CYFIP1: variants seen among roughly 807,000 people sequenced by gnomAD.
CYFIP1 encodes cytoplasmic FMR1 interacting protein 1, also known as cytoplasmic FMR1-interacting protein 1.
In CYFIP1, 58 loss-of-function variants were observed where a neutral mutation model predicts 163.5. The observed-to-expected ratio is 0.35, with a 90% confidence interval of 0.29 to 0.44. The LOEUF is 0.44. Among genes scored for constraint, CYFIP1 ranks in the 20% least tolerant of loss-of-function variants. The pLI, the probability that CYFIP1 is intolerant of heterozygous loss-of-function variation, is 1.00. For missense variants in CYFIP1, 1,338 were observed against 1,653.8 expected (o/e 0.81, Z 3.31); for synonymous variants, 663 against 660.7 (o/e 1.00, Z -0.05).
intron 1 of CYFIP1, among the ~76,000 whole-genome samples, chr15:22,962,663 C>A (rs528590821): frequency 1.3e-5 from 2 of 152,046 alleles, no homozygotes; most frequent in African/African-American, 2.4e-5. Flanking sequence ...CTCGGCCTCC[C>A]AAAGTGCTGA....
At chr15:22,974,939 C>T (rs2063215489) in intron 1 of CYFIP1, among the ~76,000 whole-genome samples, 1 of 150,834 alleles carries the variant, frequency 6.6e-6, no homozygotes, top group Non-Finnish European at 1.5e-5. Context: ...GCCTTTGCCA[C>T]CCCCAAGACA....
intron 22 of CYFIP1, among the ~76,000 whole-genome samples, chr15:22,893,288 C>T (rs1004403465): frequency 9.2e-5 from 14 of 152,148 alleles, no homozygotes; most frequent in Non-Finnish European, 1.9e-4. Context: ...CCAGACACGG[C>T]GAGGACGGTG....
chr15:22,903,601 C>T, intron 22 of CYFIP1, 105 bp downstream of exon 22: 1 of 1,189,240 alleles, frequency 8.4e-7, no homozygotes, highest in Non-Finnish European at 1.2e-6. Context: ...TGATGGGGAG[C>T]AGCAAGAGCA....
At position 22,920,108 on chromosome 15, in the gene CYFIP1, C is replaced by A. The variant is rs370317414; in HGVS notation, c.1360-1250G>T. Reference sequence around the variant, plus strand: ...TAAAAAAAAACAAAAAACAAACAAACAAAAAAAACCTTTTGAAATTAAGTA... The same window carrying A: ...TAAAAAAAAACAAAAAACAAACAAAAAAAAAAAACCTTTTGAAATTAAGTA... On this transcript the variant is annotated intron_variant, in intron 13 of 30. Coordinates refer to ENST00000617928, the MANE Select transcript of CYFIP1 (RefSeq NM_014608.6). Among the ~76,000 whole-genome samples the A allele has an allele frequency of 3.5e-5, 5 of 144,742 alleles. No homozygotes were observed. In the East Asian group the frequency reaches 6.0e-4, roughly 17 times the overall value. The allele number at this position is 144,742 out of a possible 152,430, so 95.0% of individuals were successfully genotyped here. A position where few individuals can be genotyped will look rare whatever the true frequency, so the allele number is the denominator to read the frequency against.
intron 1 of CYFIP1, among the ~76,000 whole-genome samples, chr15:22,968,102 C>T (rs1049871372): frequency 6.6e-6 from 1 of 151,868 alleles, no homozygotes; most frequent in African/African-American, 2.4e-5. Context: ...CGCCACTGCA[C>T]TCCAGCTTGG....
At chr15:22,919,088 C>T (rs2061094293) in intron 13 of CYFIP1, among the ~76,000 whole-genome samples, 4 of 152,190 alleles carry the variant, frequency 2.6e-5, no homozygotes, top group Admixed American at 2.6e-4. Flanking sequence ...GACAGGGATG[C>T]ATCTGACTCG....
At chr15:22,967,451 G>T (rs546596648) in intron 1 of CYFIP1, among the ~76,000 whole-genome samples, 14 of 152,262 alleles carry the variant, frequency 9.2e-5, no homozygotes, top group African/African-American at 3.4e-4. Flanking sequence ...GAGTGCGGCC[G>T]ACATATGTGA....
At chr15:22,961,254 T>A (rs2062671492) in intron 1 of CYFIP1, among the ~76,000 whole-genome samples, 1 of 152,114 alleles carries the variant, frequency 6.6e-6, no homozygotes, top group Non-Finnish European at 1.5e-5. Flanking sequence ...ACTCCTGACC[T>A]CAAGTGATCC....
At chr15:22,976,399 G>A (rs1412056874) in intron 1 of CYFIP1, among the ~76,000 whole-genome samples, 7 of 152,026 alleles carry the variant, frequency 4.6e-5, no homozygotes, top group Non-Finnish European at 8.8e-5. Flanking sequence ...CTTGTGATCC[G>A]CCCGCCTCGG....
intron 1 of CYFIP1, among the ~76,000 whole-genome samples, chr15:22,977,120 AC>A (rs1030334280): frequency 6.6e-6 from 1 of 151,316 alleles, no homozygotes; most frequent in African/African-American, 2.4e-5. Flanking sequence ...AATCGCTTGA[AC>A]CCGGGAGGCA....
chr15:22,872,845 C>G lies in CYFIP1; in HGVS notation c.3577G>C (p.Asp1193His), dbSNP rs1385572354. 4.3e-6 allele frequency: 7 copies of G among 1,613,952 alleles called. No homozygotes were observed. Among genetic ancestry groups the G allele is most frequent in the Middle Eastern group, 3.3e-4 (2 of 6,084 alleles). Reference sequence around the variant, plus strand: ...CATACCACATTTTTAATAATCTCATCTTTGCCATCATGTTTCTGGACTTTA... The same window carrying G: ...CATACCACATTTTTAATAATCTCATGTTTGCCATCATGTTTCTGGACTTTA... ...LLKVQKHDGK[D>H]EIIKNVPLKK... Residue 1193 changes from aspartate (D) to histidine (H), a missense_variant, in exon 30 of 31, where the codon GAT becomes CAT. Around this residue, in one of 4 missense-constraint regions of CYFIP1, gnomAD observed 306 missense variants for 322.1 expected, o/e 0.95. Coordinates refer to ENST00000617928, the MANE Select transcript of CYFIP1 (RefSeq NM_014608.6).
Position 22,933,425 on chromosome 15 carries a change from C to T in CYFIP1, c.992+377G>A, listed in dbSNP as rs543104178. ...CGCCTCCCAGGTTCATGCCATTCTC[C>T]TACCTCAGCCTCCCAAGTAGCTGGG... On this transcript the variant is annotated intron_variant, in intron 10 of 30. Transcript: ENST00000617928. Among the ~76,000 whole-genome samples, 4 of 152,046 alleles carry T rather than the reference C, an allele frequency of 2.6e-5. No homozygotes were observed. In the East Asian group the frequency reaches 7.8e-4, roughly 29 times the overall value.
chr15:22,878,195 A>G (rs1341320584), intron 26 of CYFIP1, among the ~76,000 whole-genome samples: 5 of 152,302 alleles, frequency 3.3e-5, no homozygotes, highest in Middle Eastern at 6.8e-3. Context: ...TGGTGAACCA[A>G]TCCCCAAACA....
In CYFIP1 at chr15:22,882,785, A is replaced by G. The variant is rs115147875; in HGVS notation, c.2820+83T>C. ...ACGAATCCAGCTGTTGGAGAATCAC[A>G]GTCCAGGCAGAGAAGACCCTCTGGC... is the stretch of plus-strand genomic sequence containing the variant. On this transcript the variant is annotated intron_variant, in intron 24 of 30. Transcript: ENST00000617928. 2,655 of 1,482,152 alleles carry G rather than the reference A, an allele frequency of 1.8e-3. 55 individuals carry two copies. The African/African-American group carries it at 0.033, about 19-fold the overall frequency. 91.8% of individuals were successfully genotyped at this position (1,482,152 alleles called of 1,614,324 possible).
intron 1 of CYFIP1, among the ~76,000 whole-genome samples, chr15:22,976,134 G>A (rs907867609): frequency 1.3e-5 from 2 of 151,814 alleles, no homozygotes; most frequent in African/African-American, 4.8e-5. Context: ...TGAAGCAAAC[G>A]AAATGTTGTG....
intron 22 of CYFIP1, among the ~76,000 whole-genome samples, chr15:22,902,229 C>A (rs1347252956): frequency 6.6e-6 from 1 of 152,160 alleles, no homozygotes. Flanking sequence ...GGGTGTAAGG[C>A]CCCAGCAGAT....
intron 24 of CYFIP1, 122 bp from the exon 25 acceptor site, chr15:22,882,058 G>T: frequency 1.3e-6 from 1 of 794,138 alleles, no homozygotes; most frequent in Non-Finnish European, 2.0e-6. Flanking sequence ...AAGGCTGCAG[G>T]ATCGTCTGGC....
Position 22,867,401 on chromosome 15 carries a change from G to A in CYFIP1, c.*2627C>T, listed in dbSNP as rs117878279. The A allele has an allele frequency of 0.015, 5,740 of 384,276 alleles. 74 individuals carry two copies. Among genetic ancestry groups the A allele is most frequent in the Middle Eastern group, 0.037 (56 of 1,508 alleles). 23.8% of individuals were successfully genotyped at this position (384,276 alleles called of 1,614,324 possible). ...TCTTTCTTACAAAACAAAAAAAAGG[G>A]CAGAAATCACCCCAAGGAACGATTT... On this transcript the variant is annotated 3_prime_UTR_variant, in exon 31 of 31. Coordinates refer to ENST00000617928, the MANE Select transcript of CYFIP1 (RefSeq NM_014608.6).
At chr15:22,962,504 T>G in intron 1 of CYFIP1, among the ~76,000 whole-genome samples, 1 of 151,982 alleles carries the variant, frequency 6.6e-6, no homozygotes, top group East Asian at 1.9e-4. Context: ...GTTCAAGCTA[T>G]TCTCGTGCCT....
Sources: gnomAD v4.1 joint callset for allele counts (sites outside exome capture counted in the v4.1 genomes callset) on GRCh38, gnomAD v4.1.1 for gene constraint, gnomAD v4.1.1 regional missense constraint, MANE v1.5 for transcripts, NCBI Gene and HGNC (gene_info 2026-07-23, HGNC 2026-07-21) for gene names.